The following ITPR1 variants were observed in gnomAD, a reference collection of about 807,000 sequenced individuals.
The protein encoded by ITPR1 is inositol 1,4,5-trisphosphate receptor type 1.
A neutral mutation model predicts 318.4 loss-of-function variants in ITPR1; 96 were observed. The ratio of observed to expected loss-of-function variants is 0.30; its 90% CI spans 0.26 to 0.36. The LOEUF is 0.36. Among genes scored for constraint, ITPR1 ranks in the 10% least tolerant of loss-of-function variants. The pLI is 1.00. For synonymous variants in ITPR1, 1,312 were observed against 1,289.9 expected (o/e 1.02, Z -0.37); for missense variants, 2,440 against 3,460.2 (o/e 0.71, Z 7.40).
At chr3:4,808,480 C>A (rs996842524) in intron 55 of ITPR1, among the ~76,000 whole-genome samples, 3 of 152,218 alleles carry the variant, frequency 2.0e-5, no homozygotes, top group African/African-American at 7.2e-5. Flanking sequence ...GAGTAACTCT[C>A]AGCTTCTGAT....
chr3:4,499,632 A>T (rs1000795757), intron 2 of ITPR1, among the ~76,000 whole-genome samples: 1 of 152,206 alleles, frequency 6.6e-6, no homozygotes, highest in Non-Finnish European at 1.5e-5. Flanking sequence ...TCCTCTACAG[A>T]TCTTTTTTCC....
chr3:4,655,394 G>A (rs890445598), intron 12 of ITPR1, among the ~76,000 whole-genome samples: 5 of 152,122 alleles, frequency 3.3e-5, no homozygotes, highest in African/African-American at 1.2e-4. Context: ...TGGCATTTAT[G>A]GTGCAGGAGG....
intron 4 of ITPR1, among the ~76,000 whole-genome samples, chr3:4,604,212 A>G (rs1216999119): frequency 6.6e-6 from 1 of 152,166 alleles, no homozygotes; most frequent in South Asian, 2.1e-4. Flanking sequence ...CATACATTTA[A>G]CAGAGGTTAT....
At position 4,493,408 on chromosome 3, in the gene ITPR1, A is replaced by T. The variant is rs942937340; in HGVS notation, c.-290A>T. ...CTCAAGCTCGCTGGGGTGGGAGGAG[A>T]GGAGGAGGAGGAGGTGGTGGTGGAG... On this transcript the variant is annotated 5_prime_UTR_variant, in exon 1 of 62. Transcript: ENST00000649015. 3 of 153,146 alleles carry T rather than the reference A, an allele frequency of 2.0e-5. No homozygotes were observed. Among genetic ancestry groups the T allele is most frequent in the African/African-American group, 7.3e-5 (3 of 41,200 alleles). 9.5% of individuals were successfully genotyped at this position (153,146 alleles called of 1,614,324 possible).
intron 4 of ITPR1, among the ~76,000 whole-genome samples, chr3:4,601,263 A>C (rs1479998796): frequency 6.8e-6 from 1 of 146,820 alleles, no homozygotes; most frequent in Non-Finnish European, 1.5e-5. Context: ...TCCTGCCTGT[A>C]ATCCCAGTAC....
intron 31 of ITPR1, among the ~76,000 whole-genome samples, chr3:4,689,179 T>G (rs1337364368): frequency 1.3e-5 from 2 of 152,254 alleles, no homozygotes; most frequent in Non-Finnish European, 2.9e-5. Context: ...TTTTTCTCAT[T>G]CTTCTGATGG....
intron 3 of ITPR1, among the ~76,000 whole-genome samples, chr3:4,517,560 T>C (rs1358956699): frequency 6.6e-6 from 1 of 152,182 alleles, no homozygotes; most frequent in African/African-American, 2.4e-5. Flanking sequence ...GGGAGCAAAT[T>C]ATTATAGATA....
At chr3:4,815,887 A>G (rs1396821523) in intron 59 of ITPR1, among the ~76,000 whole-genome samples, 4 of 152,110 alleles carry the variant, frequency 2.6e-5, no homozygotes, top group Admixed American at 6.6e-5. Flanking sequence ...GCTTTGGCAT[A>G]ATTTCAGAGT....
chr3:4,528,358 G>A (rs751795430), intron 4 of ITPR1, among the ~76,000 whole-genome samples: 2 of 152,132 alleles, frequency 1.3e-5, no homozygotes, highest in Non-Finnish European at 2.9e-5. Flanking sequence ...TAATAGCCAG[G>A]CCTTAACCTT....
chr3:4,649,568 AT>A (rs1281513560), intron 10 of ITPR1, among the ~76,000 whole-genome samples: 1 of 152,114 alleles, frequency 6.6e-6, no homozygotes, highest in Admixed American at 6.6e-5. Flanking sequence ...ATCTCTGTAG[AT>A]TTGCCAGTGC....
chr3:4,627,700 TTCCTTAGGCTGAG>T (rs1475281998), intron 4 of ITPR1, 50 bp from the exon 5 acceptor site: 58 of 943,704 alleles, frequency 6.1e-5, no homozygotes, highest in Non-Finnish European at 8.9e-5. Flanking sequence ...CCTTTTTTTT[TTCCTTAGGCTGAG>T]TCTCTATACA....
At chr3:4,536,323 A>C (rs2083868962) in intron 4 of ITPR1, among the ~76,000 whole-genome samples, 1 of 152,250 alleles carries the variant, frequency 6.6e-6, no homozygotes, top group South Asian at 2.1e-4. Context: ...ACTATCTAAT[A>C]GAATTGGAAG....
intron 4 of ITPR1, among the ~76,000 whole-genome samples, chr3:4,529,383 A>T (rs1250683461): frequency 6.6e-6 from 1 of 152,190 alleles, no homozygotes; most frequent in African/African-American, 2.4e-5. Context: ...CAGCAAGCGT[A>T]ATGGGGTCAT....
rs775650383 is a variant in ITPR1 at position 4,846,170 on chromosome 3, T to C, written c.8222T>C (p.Ile2741Thr). The change falls in exon 62 of 62, where the codon ATT (isoleucine) becomes ACT (threonine). Residue 2741 changes from isoleucine (I) to threonine (T), a missense_variant. Around this residue, in one of 23 missense-constraint regions of ITPR1, gnomAD observed 63 missense variants for 63.4 expected, o/e 0.99. Coordinates refer to ENST00000649015, the MANE Select transcript of ITPR1 (RefSeq NM_001378452.1). ...GAACAAAGGAAGCAGAAACAAAGAA[T>C]TGGTCTTCTAGGACATCCTCCTCAC... Reference protein sequence around the residue: ...MTEQRKQKQRIGLLGHPPHMN... With the variant: ...MTEQRKQKQRTGLLGHPPHMN... 5 of 1,568,196 alleles carry C rather than the reference T, an allele frequency of 3.2e-6. No individual in the cohort carries two copies. The South Asian group carries it at 4.7e-5, about 15-fold the overall frequency.
intron 37 of ITPR1, among the ~76,000 whole-genome samples, chr3:4,709,730 G>A (rs927273725): frequency 2.0e-5 from 3 of 152,132 alleles, no homozygotes; most frequent in African/African-American, 7.2e-5. Flanking sequence ...TGCTATCAGG[G>A]TACATGTATT....
chr3:4,819,387 G>A (rs2049529252), intron 60 of ITPR1, among the ~76,000 whole-genome samples: 1 of 152,168 alleles, frequency 6.6e-6, no homozygotes, highest in South Asian at 2.1e-4. Context: ...ATCACCTGTG[G>A]AGCATGTTAA....
intron 5 of ITPR1, among the ~76,000 whole-genome samples, chr3:4,636,361 C>G (rs1652572224): frequency 6.6e-6 from 1 of 152,152 alleles, no homozygotes; most frequent in South Asian, 2.1e-4. Flanking sequence ...AACTTTATAA[C>G]AGAATTAAAA....
chr3:4,548,184 TGAGTTAAAACCGGTG>T (rs2085211502), intron 4 of ITPR1, among the ~76,000 whole-genome samples: 1 of 152,200 alleles, frequency 6.6e-6, no homozygotes, highest in African/African-American at 2.4e-5. Flanking sequence ...AAATTGCAAT[TGAGTTAAAACCGGTG>T]GAATTGGATT....
Position 4,639,384 on chromosome 3 carries a change from C to A in ITPR1, c.280C>A (p.His94Asn), listed in dbSNP as rs868332934. ...ATCAATCTTTCTTCTCAATGCACAG[C>A]ACGCTGCAGACTTGGAAAAGAAGCA... The part of the protein sequence containing the change: ...TDAVLLNKLH[H>N]AADLEKKQNE... Residue 94 changes from histidine (H) to asparagine (N), a missense_variant and splice_region_variant, in exon 6 of 62, where the codon CAC becomes AAC. His to Asn is a moderately conservative substitution (Grantham distance 68). Coordinates refer to ENST00000649015, the MANE Select transcript of ITPR1 (RefSeq NM_001378452.1). 1.3e-6 allele frequency: 2 copies of A among 1,562,420 alleles called. No homozygotes were observed. Among genetic ancestry groups the A allele is most frequent in the Non-Finnish European group, 1.7e-6 (2 of 1,152,486 alleles).
Sources: allele counts gnomAD v4.1 joint callset (sites outside exome capture counted in the v4.1 genomes callset), GRCh38; gene constraint gnomAD v4.1.1; regional missense constraint gnomAD v4.1.1; transcripts MANE v1.5; gene names NCBI Gene and HGNC (gene_info 2026-07-23, HGNC 2026-07-21).